Variants in ACYP2 observed in about 807,000 individuals in gnomAD.
The protein encoded by ACYP2 is acylphosphatase 2.
Under a neutral mutation model 11.2 loss-of-function variants are expected in ACYP2, and 12 were observed. The observed-to-expected ratio is 1.08, with a 90% CI of 0.69 to 1.74. The LOEUF (loss-of-function observed/expected upper bound fraction) is 1.74, where lower values mean the gene tolerates loss of function less well. ACYP2 is among the 40% of genes most tolerant of loss of function. The probability of loss-of-function intolerance (pLI) is 0.00; values close to 1 mark genes in which losing one functional copy is unlikely to be tolerated. For synonymous variants in ACYP2, 43 were observed against 32.2 expected (o/e 1.33, Z -1.13); for missense variants, 134 against 101.9 (o/e 1.31, Z -1.35).
At chr2:54,141,928 T>C in intron 6 of ACYP2, 1 of 608,610 alleles carries the variant, frequency 1.6e-6, no homozygotes. Flanking sequence ...GCCTTGACCT[T>C]CTGGGCTCAA....
chr2:54,004,634 T>G (rs574613671), intron 2 of ACYP2, among the ~76,000 whole-genome samples: 1 of 151,784 alleles, frequency 6.6e-6, no homozygotes, highest in East Asian at 1.9e-4. Context: ...ATGGTCTTGA[T>G]CTCCTGACCT....
intron 6 of ACYP2, among the ~76,000 whole-genome samples, chr2:54,260,061 A>T (rs1199593218): frequency 6.6e-6 from 1 of 152,182 alleles, no homozygotes; most frequent in African/African-American, 2.4e-5. Context: ...GATGTCCTGG[A>T]ATAGACAAGA....
At chr2:53,984,294 C>T (rs374859761) in intron 2 of ACYP2, among the ~76,000 whole-genome samples, 1 of 152,102 alleles carries the variant, frequency 6.6e-6, no homozygotes, top group Admixed American at 6.6e-5. Flanking sequence ...AACAAAAATT[C>T]TGGCCAGGCG....
At chr2:54,281,621 A>C (rs1688853155) in intron 6 of ACYP2, among the ~76,000 whole-genome samples, 1 of 152,182 alleles carries the variant, frequency 6.6e-6, no homozygotes, top group African/African-American at 2.4e-5. Context: ...TGTGATGTGG[A>C]AGTTCCTTCT....
At chr2:54,293,345 T>C (rs1397470285) in intron 6 of ACYP2, among the ~76,000 whole-genome samples, 1 of 152,238 alleles carries the variant, frequency 6.6e-6, no homozygotes, top group Non-Finnish European at 1.5e-5. Context: ...TTACAGGTTA[T>C]AGTCATCCCC....
Position 54,095,682 on chromosome 2 carries a change from T to C in ACYP2, c.277+38322T>C, listed in dbSNP as rs62137970. On this transcript the variant is annotated intron_variant, in intron 4 of 6. Transcript: ENST00000607452. The stretch of plus-strand genomic sequence containing the variant: ...GGGGCTGACCCCCCCACCTCCCTCC[T>C]GGACGGGGCGGCTGGCCGGGCAGAG... 2.8e-3 allele frequency among the ~76,000 whole-genome samples: 258 copies of C among 92,756 alleles called. 1 individual carries two copies. Among genetic ancestry groups the C allele is most frequent in the African/African-American group, 7.9e-3 (182 of 22,988 alleles). 60.9% of individuals were successfully genotyped at this position (92,756 alleles called of 152,430 possible).
intron 2 of ACYP2, among the ~76,000 whole-genome samples, chr2:53,997,552 C>G (rs1573479005): frequency 1.3e-5 from 1 of 74,972 alleles, no homozygotes; most frequent in South Asian, 7.4e-4. Context: ...GTGATCCACT[C>G]TCCTCGGCCT....
chr2:54,204,229 C>G (rs1313075819), intron 6 of ACYP2, among the ~76,000 whole-genome samples: 1 of 151,888 alleles, frequency 6.6e-6, no homozygotes, highest in African/African-American at 2.4e-5. Context: ...GAACTCCTGA[C>G]CTCATGTTCC....
intron 6 of ACYP2, among the ~76,000 whole-genome samples, chr2:54,298,542 G>A (rs970027870): frequency 2.0e-5 from 3 of 152,182 alleles, no homozygotes; most frequent in Non-Finnish European, 2.9e-5. Context: ...TGAGCGGGTG[G>A]TAATGCAAAT....
Position 54,057,301 on chromosome 2 carries a change from C to T in ACYP2, c.218C>T (p.Pro73Leu), listed in dbSNP as rs940928812. ...CAAGTCATAATTGTGAGTGAAGAAC[C>T]ATGGAAGGAGAACATTTCTTGCTCA... is the stretch of plus-strand genomic sequence containing the variant. Residue 73 changes from proline (P) to leucine (L), a missense_variant, in exon 4 of 7, where the codon CCA becomes CTA. Transcript: ENST00000607452. 2.5e-5 allele frequency: 10 copies of T among 397,848 alleles called. No homozygotes were observed. The highest frequency in any genetic ancestry group is 2.1e-4 in the African/African-American group (10 of 48,556). The allele number at this position is 397,848 out of a possible 1,614,324, so 24.6% of individuals were successfully genotyped here.
Position 54,075,688 on chromosome 2 carries a change from C to G in ACYP2, c.277+18328C>G, listed in dbSNP as rs918672212. On this transcript the variant is annotated intron_variant, in intron 4 of 6. Coordinates refer to ENST00000607452, the MANE Select transcript of ACYP2 (RefSeq NM_001320586.2). ...ATTAGCCAGGTGTGGTGGTGCATGC[C>G]TGTAATCCCAGCTACTCAGAAGGCT... Among the ~76,000 whole-genome samples, 58 of 152,010 alleles carry G rather than the reference C, an allele frequency of 3.8e-4. 1 individual carries two copies. Among genetic ancestry groups the G allele is most frequent in the African/African-American group, 1.4e-3 (57 of 41,464 alleles).
chr2:54,125,383 C>T (rs568814197), intron 4 of ACYP2, among the ~76,000 whole-genome samples: 1 of 152,110 alleles, frequency 6.6e-6, no homozygotes, highest in Non-Finnish European at 1.5e-5. Context: ...CTAAAATCCC[C>T]CAAATCACAG....
At chr2:54,163,541 C>A (rs1004666972) in intron 6 of ACYP2, among the ~76,000 whole-genome samples, 2 of 152,098 alleles carry the variant, frequency 1.3e-5, no homozygotes, top group African/African-American at 4.8e-5. Flanking sequence ...TAATTTCAGA[C>A]AAAAAGAAGT....
chr2:54,123,591 C>T (rs1166527871), intron 4 of ACYP2, among the ~76,000 whole-genome samples: 2 of 152,010 alleles, frequency 1.3e-5, no homozygotes, highest in African/African-American at 2.4e-5. Flanking sequence ...TTCCCTTTAC[C>T]AGCTGCTTCC....
chr2:54,003,167 C>T (rs1174343265), intron 2 of ACYP2, among the ~76,000 whole-genome samples: 4 of 151,720 alleles, frequency 2.6e-5, no homozygotes, highest in African/African-American at 4.8e-5. Flanking sequence ...AGGCTGGTCT[C>T]GAACCCCTGG....
At chr2:54,247,407 G>A (rs1207854401) in intron 6 of ACYP2, among the ~76,000 whole-genome samples, 2 of 152,128 alleles carry the variant, frequency 1.3e-5, no homozygotes, top group African/African-American at 4.8e-5. Flanking sequence ...GTTACATCTG[G>A]AATTAAAGCA....
intron 2 of ACYP2, among the ~76,000 whole-genome samples, chr2:54,004,026 T>C (rs1672932060): frequency 6.6e-6 from 1 of 152,024 alleles, no homozygotes; most frequent in African/African-American, 2.4e-5. Context: ...CTTTGTCACC[T>C]AGGCTGGAAT....
chr2:54,074,794 C>A (rs1275481614), intron 4 of ACYP2, among the ~76,000 whole-genome samples: 1 of 152,160 alleles, frequency 6.6e-6, no homozygotes, highest in Non-Finnish European at 1.5e-5. Context: ...GTTGCACTTG[C>A]GGTCTAAAGG....
At chr2:54,239,341 G>A (rs1262881437) in intron 6 of ACYP2, among the ~76,000 whole-genome samples, 1 of 152,174 alleles carries the variant, frequency 6.6e-6, no homozygotes, top group East Asian at 1.9e-4. Flanking sequence ...GACCAAGAAT[G>A]GCCTCTGTCT....
Sources: gnomAD v4.1 joint callset for allele counts (sites outside exome capture counted in the v4.1 genomes callset) on GRCh38, gnomAD v4.1.1 for gene constraint, MANE v1.5 for transcripts, NCBI Gene and HGNC (gene_info 2026-07-23, HGNC 2026-07-21) for gene names.